Variants in ADGRD1 observed in about 807,000 individuals in gnomAD.
ADGRD1 encodes adhesion G protein-coupled receptor D1.
In ADGRD1, 77 loss-of-function variants were observed where a neutral mutation model predicts 113.4. The ratio of observed to expected loss-of-function variants is 0.68; its 90% CI spans 0.57 to 0.82. The LOEUF (loss-of-function observed/expected upper bound fraction) is 0.82, where lower values mean the gene tolerates loss of function less well. Among genes scored for constraint, ADGRD1 ranks in the 40% least tolerant of loss-of-function variants. ADGRD1 has a pLI of 0.00. For synonymous variants in ADGRD1, 474 were observed against 475.0 expected (o/e 1.00, Z 0.03); for missense variants, 1,036 against 1,139.1 (o/e 0.91, Z 1.30).
Position 130,954,730 on chromosome 12 carries a change from C to G in ADGRD1, c.103+70C>G. 1 of 1,446,690 alleles carries G rather than the reference C, an allele frequency of 6.9e-7. No individual in the cohort carries two copies. Among genetic ancestry groups the G allele is most frequent in the Non-Finnish European group, 9.7e-7 (1 of 1,029,218 alleles). The allele number at this position is 1,446,690 out of a possible 1,614,324, so 89.6% of individuals were successfully genotyped here. A position where few individuals can be genotyped will look rare whatever the true frequency, so the allele number is the denominator to read the frequency against. ...CTAGTGCAGGTATCTCAGGAACAGC[C>G]CACTTGTTCATCTCTGAGGCATCAG... On this transcript the variant is annotated intron_variant, in intron 2 of 24. Transcript: ENST00000261654. The surrounding 1 kb of genome is among the most constrained non-coding windows in gnomAD (Gnocchi z 4.7).
chr12:131,082,037 C>G (rs939475017), intron 14 of ADGRD1, among the ~76,000 whole-genome samples: 5 of 152,048 alleles, frequency 3.3e-5, no homozygotes, highest in African/African-American at 1.2e-4. Flanking sequence ...CCACCCCTTT[C>G]CCCAGTAATA....
Position 130,954,597 on chromosome 12 carries a change from T to C in ADGRD1, c.67-27T>C. On this transcript the variant is annotated intron_variant, in intron 1 of 24. Coordinates refer to ENST00000261654, the MANE Select transcript of ADGRD1 (RefSeq NM_198827.5). The surrounding 1 kb of genome is among the most constrained non-coding windows in gnomAD (Gnocchi z 4.7). Reference sequence around the variant, plus strand: ...TCTCCGGAGGCTTTCCCTGAGTGTGTCTCACACTGTGGTCTTTTGTGCGCA... The same window carrying C: ...TCTCCGGAGGCTTTCCCTGAGTGTGCCTCACACTGTGGTCTTTTGTGCGCA... 6.2e-7 allele frequency: 1 copy of C among 1,613,396 alleles called. No individual in the cohort carries two copies. The highest frequency in any genetic ancestry group is 8.5e-7 in the Non-Finnish European group (1 of 1,179,316).
Position 131,084,572 on chromosome 12 carries a change from G to A in ADGRD1, c.1580G>A (p.Cys527Tyr). Residue 527 changes from cysteine (C) to tyrosine (Y), a missense_variant, in exon 15 of 25, where the codon TGT becomes TAT. Physicochemically the swap from Cys to Tyr is radical, Grantham distance 194. Transcript: ENST00000261654. The surrounding 1 kb of genome is among the most constrained non-coding windows in gnomAD (Gnocchi z 4.5). Reference sequence around the variant, plus strand: ...GAAGGGGTCTGGTCGAACCACGGCTGTGCGCTCACGAGAGGAAACCTCACC... The same window carrying A: ...GAAGGGGTCTGGTCGAACCACGGCTATGCGCTCACGAGAGGAAACCTCACC... ...SGEGVWSNHGCALTRGNLTYS... is the reference protein window; with the variant it reads ...SGEGVWSNHGYALTRGNLTYS... The A allele has an allele frequency of 6.2e-7, 1 of 1,614,138 alleles. No homozygotes were observed. The highest frequency in any genetic ancestry group is 1.1e-5 in the South Asian group (1 of 91,078).
chr12:131,036,603 AC>A (rs1593089389), intron 13 of ADGRD1, among the ~76,000 whole-genome samples: 1 of 140,324 alleles, frequency 7.1e-6, no homozygotes. Flanking sequence ...CACTCACTGC[AC>A]CGGGCCTCAC....
In ADGRD1 at chr12:130,974,597, A is replaced by G. The variant is rs371660619; in HGVS notation, c.310+3017A>G. Among the ~76,000 whole-genome samples, 4 of 152,342 alleles carry G rather than the reference A, an allele frequency of 2.6e-5. No homozygotes were observed. The East Asian group carries it at 5.8e-4, about 22-fold the overall frequency. Reference sequence around the variant, plus strand: ...CTTATAACCTGTTATTCTTATAACGAAAAACAACGCTTAAATAGAGAAATG... The same window carrying G: ...CTTATAACCTGTTATTCTTATAACGGAAAACAACGCTTAAATAGAGAAATG... On this transcript the variant is annotated intron_variant, in intron 4 of 24. Transcript: ENST00000261654.
In ADGRD1 at chr12:131,055,094, A is replaced by G. The variant is rs557976110; in HGVS notation, c.1474-21707A>G. 3.3e-5 allele frequency among the ~76,000 whole-genome samples: 5 copies of G among 152,326 alleles called. No homozygotes were observed. In the South Asian group the frequency reaches 1.0e-3, roughly 32 times the overall value. On this transcript the variant is annotated intron_variant, in intron 13 of 24. Transcript: ENST00000261654. ...ATATCTTTTTAGTTTGGAAAGTTAG[A>G]TTTTAAGAAATACGCTTAATTTGTG...
chr12:131,129,935 G>A (rs1324303841), intron 20 of ADGRD1, among the ~76,000 whole-genome samples: 2 of 152,224 alleles, frequency 1.3e-5, no homozygotes, highest in African/African-American at 2.4e-5. Flanking sequence ...GGCATGGGCC[G>A]CACTCACACA....
intron 13 of ADGRD1, among the ~76,000 whole-genome samples, chr12:131,043,673 C>T (rs1381063668): frequency 6.6e-6 from 1 of 152,234 alleles, no homozygotes; most frequent in Non-Finnish European, 1.5e-5. Flanking sequence ...ATGGAGGGCC[C>T]TGCGCACGCA....
At chr12:131,065,895 G>C (rs777933920) in intron 13 of ADGRD1, among the ~76,000 whole-genome samples, 1 of 152,188 alleles carries the variant, frequency 6.6e-6, no homozygotes, top group Admixed American at 6.5e-5. Context: ...GGCCCTCTCC[G>C]GGGGTGGAGG....
intron 21 of ADGRD1, among the ~76,000 whole-genome samples, chr12:131,135,464 A>G (rs1183765182): frequency 1.3e-5 from 2 of 152,148 alleles, no homozygotes; most frequent in Admixed American, 6.5e-5. Flanking sequence ...GAGCAGGGCC[A>G]TGAAGATGAC....
At chr12:131,061,638 T>C (rs1884341367) in intron 13 of ADGRD1, among the ~76,000 whole-genome samples, 1 of 152,188 alleles carries the variant, frequency 6.6e-6, no homozygotes, top group Non-Finnish European at 1.5e-5. Flanking sequence ...ATGAGAGAAA[T>C]ACAGCGCAAT....
intron 9 of ADGRD1, 26 bp downstream of exon 9, chr12:131,000,468 A>T (rs750180657): frequency 3.2e-6 from 5 of 1,584,316 alleles, no homozygotes; most frequent in Non-Finnish European, 4.3e-6. Context: ...ATGGTCGGTC[A>T]TGGTGGCTCA....
intron 15 of ADGRD1, among the ~76,000 whole-genome samples, chr12:131,104,014 T>C (rs762373815): frequency 9.9e-5 from 15 of 152,252 alleles, no homozygotes; most frequent in Non-Finnish European, 1.5e-4. Flanking sequence ...GCCGTCTGGA[T>C]TGTGCGGTCG....
chr12:131,112,394 A>G (rs1282606231), intron 18 of ADGRD1, among the ~76,000 whole-genome samples: 5 of 152,194 alleles, frequency 3.3e-5, no homozygotes, highest in Non-Finnish European at 7.3e-5. Flanking sequence ...TGATCTGATT[A>G]AATCCAGGCC....
At chr12:131,105,498 G>A (rs1593223859) in intron 16 of ADGRD1, among the ~76,000 whole-genome samples, 1 of 152,372 alleles carries the variant, frequency 6.6e-6, no homozygotes, top group East Asian at 1.9e-4. Flanking sequence ...GCAGGAACAT[G>A]AGCTGGGAAA....
At chr12:131,088,021 T>A (rs1226142800) in intron 15 of ADGRD1, among the ~76,000 whole-genome samples, 3 of 152,036 alleles carry the variant, frequency 2.0e-5, no homozygotes, top group Admixed American at 1.3e-4. Context: ...TCCTCTCCCC[T>A]CCCGCCAGGG....
At chr12:130,998,120 A>G (rs1430864852) in intron 8 of ADGRD1, among the ~76,000 whole-genome samples, 2 of 151,732 alleles carry the variant, frequency 1.3e-5, no homozygotes, top group Admixed American at 1.3e-4. Context: ...CCGAGATGGC[A>G]GCAGTACAGT....
intron 13 of ADGRD1, among the ~76,000 whole-genome samples, chr12:131,043,378 C>T (rs185590901): frequency 1.5e-4 from 23 of 152,322 alleles, no homozygotes; most frequent in African/African-American, 5.5e-4. Context: ...ATCTTTGGGC[C>T]CCTGGACTGA....
intron 13 of ADGRD1, among the ~76,000 whole-genome samples, chr12:131,068,057 G>A (rs1160629412): frequency 2.0e-5 from 3 of 152,166 alleles, no homozygotes; most frequent in Admixed American, 6.5e-5. Flanking sequence ...GATCCTTCTG[G>A]AGGGAGATTT....
Sources: gnomAD v4.1 joint callset for allele counts (sites outside exome capture counted in the v4.1 genomes callset) on GRCh38, gnomAD v4.1.1 for gene constraint, Gnocchi (gnomAD v3.1) non-coding constraint, MANE v1.5 for transcripts, NCBI Gene and HGNC (gene_info 2026-07-23, HGNC 2026-07-21) for gene names.